The following EML6 variants were observed in gnomAD, a reference collection of about 807,000 sequenced individuals.
EML6 encodes echinoderm microtubule-associated protein-like 6.
Under a neutral mutation model 240.1 loss-of-function variants are expected in EML6, and 154 were observed. The ratio of observed to expected loss-of-function variants is 0.64; its 90% CI spans 0.56 to 0.73. The LOEUF (loss-of-function observed/expected upper bound fraction) is 0.73. Among genes scored for constraint, EML6 ranks in the 30% least tolerant of loss-of-function variants. The probability of loss-of-function intolerance (pLI) is 0.00; values close to 1 mark genes in which losing one functional copy is unlikely to be tolerated. For missense variants in EML6, 2,964 were observed against 2,474.6 expected, an observed-to-expected ratio of 1.20 and a Z score of -4.20; for synonymous variants, 1,148 against 899.0, an observed-to-expected ratio of 1.28 and a Z score of -4.95.
At chr2:54,728,212 G>C (rs1010068815) in intron 2 of EML6, among the ~76,000 whole-genome samples, 3 of 152,220 alleles carry the variant, frequency 2.0e-5, no homozygotes, top group African/African-American at 7.2e-5. Flanking sequence ...TGATACCAAG[G>C]ACAGTAATAG....
At chr2:54,871,679 A>C (rs1019411231) in intron 16 of EML6, 74 bp downstream of exon 16, 2 of 1,052,362 alleles carry the variant, frequency 1.9e-6, no homozygotes, top group African/African-American at 3.1e-5. Flanking sequence ...TGCCCCGCGC[A>C]TGCGCGCACG....
intron 24 of EML6, among the ~76,000 whole-genome samples, chr2:54,904,705 G>A (rs1673227298): frequency 6.6e-6 from 1 of 152,226 alleles, no homozygotes; most frequent in South Asian, 2.1e-4. Flanking sequence ...ATGCTGAACT[G>A]TGTACTTGTA....
intron 2 of EML6, among the ~76,000 whole-genome samples, chr2:54,768,093 A>G (rs998580454): frequency 6.6e-6 from 1 of 152,152 alleles, no homozygotes; most frequent in Non-Finnish European, 1.5e-5. Flanking sequence ...AGATGAGATC[A>G]TATGCCAAGG....
At chr2:54,773,399 A>G (rs1668476497) in intron 2 of EML6, among the ~76,000 whole-genome samples, 1 of 152,222 alleles carries the variant, frequency 6.6e-6, no homozygotes, top group African/African-American at 2.4e-5. Context: ...GTTCCAAGCC[A>G]GACTGTCAAA....
chr2:54,819,602 C>G (rs1668233979), intron 4 of EML6, among the ~76,000 whole-genome samples: 2 of 151,810 alleles, frequency 1.3e-5, no homozygotes, highest in Admixed American at 6.6e-5. Context: ...ATGGTGAAAC[C>G]CCGTCTCTAC....
At chr2:54,852,424 A>G (rs538352372) in intron 10 of EML6, among the ~76,000 whole-genome samples, 1 of 152,278 alleles carries the variant, frequency 6.6e-6, no homozygotes, top group East Asian at 1.9e-4. Context: ...CATGTTTATC[A>G]TTTGCAATAA....
At chr2:54,913,420 G>C (rs1224991276) in intron 25 of EML6, among the ~76,000 whole-genome samples, 4 of 151,772 alleles carry the variant, frequency 2.6e-5, no homozygotes, top group Admixed American at 2.0e-4. Flanking sequence ...GCTAATTCTT[G>C]TATAATAGTT....
intron 7 of EML6, among the ~76,000 whole-genome samples, 196 bp downstream of exon 7, chr2:54,829,673 A>G (rs908970414): frequency 2.0e-5 from 3 of 152,204 alleles, no homozygotes; most frequent in East Asian, 1.9e-4. Context: ...TGAACCAGCA[A>G]TGCTGCAGCC....
chr2:54,920,369 A>G (rs1674158449), intron 26 of EML6, among the ~76,000 whole-genome samples: 1 of 152,176 alleles, frequency 6.6e-6, no homozygotes, highest in South Asian at 2.1e-4. Context: ...ATCATAAGAG[A>G]CTACTTTGAG....
intron 2 of EML6, among the ~76,000 whole-genome samples, chr2:54,754,212 A>G (rs1684304920): frequency 6.6e-6 from 1 of 151,958 alleles, no homozygotes; most frequent in Admixed American, 6.5e-5. Context: ...CCTGGCCTCA[A>G]GCAATCCTCC....
intron 32 of EML6, among the ~76,000 whole-genome samples, chr2:54,956,653 AAG>A (rs1466700769): frequency 1.3e-5 from 2 of 152,172 alleles, no homozygotes; most frequent in Non-Finnish European, 2.9e-5. Context: ...CTCGCCTGGA[AAG>A]AGATTCTGTT....
At chr2:54,933,055 A>G (rs989358120) in intron 28 of EML6, among the ~76,000 whole-genome samples, 1 of 152,042 alleles carries the variant, frequency 6.6e-6, no homozygotes, top group Non-Finnish European at 1.5e-5. Flanking sequence ...TTTCCTTCAT[A>G]TCTCAGTTCT....
At chr2:54,775,124 C>T (rs766574083) in intron 2 of EML6, among the ~76,000 whole-genome samples, 1 of 152,184 alleles carries the variant, frequency 6.6e-6, no homozygotes, top group African/African-American at 2.4e-5. Context: ...CCACTTTTTG[C>T]TCCAGGTATA....
chr2:54,887,402 TC>T (rs1253777709), intron 17 of EML6, among the ~76,000 whole-genome samples: 9 of 152,252 alleles, frequency 5.9e-5, no homozygotes, highest in Non-Finnish European at 1.3e-4. Context: ...AGAAAGTGAT[TC>T]TTTAAATGTT....
chr2:54,865,542 G>A (rs764089048), intron 13 of EML6, among the ~76,000 whole-genome samples: 4 of 152,172 alleles, frequency 2.6e-5, no homozygotes, highest in Non-Finnish European at 5.9e-5. Context: ...TATCCTTAAT[G>A]TGAAAATCTG....
chr2:54,823,326 G>A (rs1332676233), intron 5 of EML6, among the ~76,000 whole-genome samples: 1 of 152,142 alleles, frequency 6.6e-6, no homozygotes. Context: ...GCGAGGGGTT[G>A]CACTTCTGTC....
chr2:54,901,207 A>G (rs1046313074), intron 22 of EML6, among the ~76,000 whole-genome samples: 2 of 152,226 alleles, frequency 1.3e-5, no homozygotes, highest in African/African-American at 4.8e-5. Flanking sequence ...TTGCACATTT[A>G]GTAGGTAATG....
rs890655153 is a variant in EML6, at chr2:54,870,690, T to C, written c.2239-810T>C. Among the ~76,000 whole-genome samples, 4 of 151,900 alleles carry C rather than the reference T, an allele frequency of 2.6e-5. No homozygotes were observed. The South Asian group carries it at 8.3e-4, about 32-fold the overall frequency. ...TCTTTTTTTAAGTAAAAGCCAGAGG[T>C]GTTTTTTTTTTACATAAATCCCCAA... On this transcript the variant is annotated intron_variant, in intron 15 of 41. Transcript: ENST00000356458.
At position 54,899,696 on chromosome 2, in the gene EML6, G is replaced by A. The variant is rs1277462052; in HGVS notation, c.3038G>A (p.Cys1013Tyr). 1 of 1,553,556 alleles carries A rather than the reference G, an allele frequency of 6.4e-7. No homozygotes were observed. Among genetic ancestry groups the A allele is most frequent in the South Asian group, 1.2e-5 (1 of 84,172 alleles). ...GCAGCTCACCCTCTCCTGCCCATCT[G>A]TGCAACAGTGAGCGATGATAAAACA... ...GLAAHPLLPI[C>Y]ATVSDDKTLR... Residue 1013 changes from cysteine (C) to tyrosine (Y), a missense_variant, in exon 22 of 42, where the codon TGT (cysteine) becomes TAT (tyrosine). By Grantham distance (194) the Cys-to-Tyr change is radical. Coordinates refer to ENST00000356458, the MANE Select transcript of EML6 (RefSeq NM_001039753.4).
Sources: allele counts gnomAD v4.1 joint callset (sites outside exome capture counted in the v4.1 genomes callset), GRCh38; gene constraint gnomAD v4.1.1; transcripts MANE v1.5; gene names NCBI Gene and HGNC (gene_info 2026-07-23, HGNC 2026-07-21).